NELL1: variants seen among roughly 807,000 people sequenced by gnomAD.
NELL1 encodes the protein protein kinase C-binding protein NELL1.
Under a neutral mutation model 107.4 loss-of-function variants are expected in NELL1, and 76 were observed. The observed-to-expected ratio is 0.71, with a 90% CI of 0.59 to 0.86. The LOEUF (loss-of-function observed/expected upper bound fraction) is 0.86. Among genes scored for constraint, NELL1 ranks in the 40% least tolerant of loss-of-function variants. The probability of loss-of-function intolerance (pLI) is 0.00; values close to 1 mark genes in which losing one functional copy is unlikely to be tolerated. For missense variants in NELL1, 1,024 were observed against 1,005.5 expected (o/e 1.02, Z -0.25); for synonymous variants, 353 against 341.2 (o/e 1.03, Z -0.38).
At chr11:20,934,180 G>T (rs931932164) in intron 9 of NELL1, among the ~76,000 whole-genome samples, 1 of 152,204 alleles carries the variant, frequency 6.6e-6, no homozygotes, top group Non-Finnish European at 1.5e-5. Context: ...GAATGCAGTG[G>T]CAGGGAAGGA....
intron 12 of NELL1, among the ~76,000 whole-genome samples, chr11:21,075,636 G>A (rs1336688591): frequency 2.0e-5 from 3 of 152,000 alleles, no homozygotes; most frequent in Non-Finnish European, 4.4e-5. Flanking sequence ...AGAGACATGG[G>A]GTTCCATTAT....
intron 3 of NELL1, among the ~76,000 whole-genome samples, chr11:20,791,104 C>T (rs1039497097): frequency 2.0e-5 from 3 of 152,092 alleles, no homozygotes; most frequent in African/African-American, 4.8e-5. Context: ...TGTCAGTTTC[C>T]GCAAATAAGT....
At chr11:21,372,854 C>T (rs544587112) in intron 15 of NELL1, among the ~76,000 whole-genome samples, 4 of 152,134 alleles carry the variant, frequency 2.6e-5, no homozygotes, top group African/African-American at 9.6e-5. Context: ...ATTATGGTGT[C>T]TCATGCCTTC....
chr11:20,807,601 C>A (rs1414221323), intron 3 of NELL1, among the ~76,000 whole-genome samples: 2 of 152,202 alleles, frequency 1.3e-5, no homozygotes, highest in Admixed American at 1.3e-4. Flanking sequence ...GCAGGTGGTG[C>A]AGCCAGCCAG....
chr11:21,238,728 T>C (rs1259010377), intron 14 of NELL1, among the ~76,000 whole-genome samples: 1 of 152,046 alleles, frequency 6.6e-6, no homozygotes. Context: ...TTAACTAAGA[T>C]GGAAAACTGA....
chr11:21,235,106 G>A (rs190289567), intron 14 of NELL1, among the ~76,000 whole-genome samples: 39 of 152,264 alleles, frequency 2.6e-4, no homozygotes, highest in Non-Finnish European at 5.3e-4. Context: ...CATGGTTAAT[G>A]TAATGAGGAA....
chr11:20,737,121 T>G lies in NELL1; in HGVS notation c.185-46559T>G, dbSNP rs563620628. Among the ~76,000 whole-genome samples the G allele has an allele frequency of 5.5e-4, 84 of 152,268 alleles. 1 individual carries two copies. The highest frequency in any genetic ancestry group is 5.0e-3 in the South Asian group (24 of 4,816). On this transcript the variant is annotated intron_variant, in intron 2 of 19. Coordinates refer to ENST00000357134, the MANE Select transcript of NELL1 (RefSeq NM_006157.5). Reference sequence around the variant, plus strand: ...CCTTCTTCCCTACGTTATTTATTTATTTTTTACTTACCTGCTCTTATTTTT... The same window carrying G: ...CCTTCTTCCCTACGTTATTTATTTAGTTTTTACTTACCTGCTCTTATTTTT...
intron 3 of NELL1, among the ~76,000 whole-genome samples, chr11:20,785,297 G>C (rs796860272): frequency 1.3e-5 from 2 of 152,208 alleles, no homozygotes; most frequent in African/African-American, 4.8e-5. Context: ...TTTTGTGGGG[G>C]TGTTGTCATT....
chr11:21,112,877 A>G (rs1290323102), intron 12 of NELL1, among the ~76,000 whole-genome samples: 1 of 152,078 alleles, frequency 6.6e-6, no homozygotes, highest in Non-Finnish European at 1.5e-5. Flanking sequence ...CTGTTTTTGA[A>G]AACAATCTCC....
At chr11:20,990,786 TG>T (rs1231944758) in intron 12 of NELL1, among the ~76,000 whole-genome samples, 2 of 152,214 alleles carry the variant, frequency 1.3e-5, no homozygotes, top group Non-Finnish European at 2.9e-5. Flanking sequence ...GGCACCTAAT[TG>T]TTTTTTTAAC....
At chr11:21,524,352 T>C (rs770866054) in intron 15 of NELL1, among the ~76,000 whole-genome samples, 53 of 152,286 alleles carry the variant, frequency 3.5e-4, no homozygotes, top group Non-Finnish European at 6.2e-4. Flanking sequence ...TATTAATATA[T>C]GGAAGTTCAA....
At chr11:21,527,912 C>T (rs952375203) in intron 15 of NELL1, among the ~76,000 whole-genome samples, 4 of 152,164 alleles carry the variant, frequency 2.6e-5, no homozygotes, top group Admixed American at 2.0e-4. Flanking sequence ...AGATGGTGCT[C>T]ACCCAGATTG....
chr11:20,984,532 T>G (rs1851812990), intron 12 of NELL1, among the ~76,000 whole-genome samples: 1 of 152,174 alleles, frequency 6.6e-6, no homozygotes, highest in African/African-American at 2.4e-5. Context: ...TCTTCTTTCC[T>G]CCCATCCTTC....
chr11:20,755,550 G>GTTTTTT lies in NELL1; in HGVS notation c.185-28125_185-28124insTTTTTT, dbSNP rs1226891368. On this transcript the variant is annotated intron_variant, in intron 2 of 19. Coordinates refer to ENST00000357134, the MANE Select transcript of NELL1 (RefSeq NM_006157.5). ...CCTGTGTGGGTTTTTGTTTTTTTTT[G>GTTTTTT]TTTTTGTTTTTGTTTTTTTTTTTTT... Among the ~76,000 whole-genome samples the GTTTTTT allele has an allele frequency of 1.3e-3, 153 of 114,510 alleles. 4 individuals are homozygous for GTTTTTT. Among genetic ancestry groups the GTTTTTT allele is most frequent in the African/African-American group, 6.7e-3 (151 of 22,398 alleles). 75.1% of individuals were successfully genotyped at this position (114,510 alleles called of 152,430 possible).
intron 12 of NELL1, among the ~76,000 whole-genome samples, chr11:21,015,249 C>T (rs780262848): frequency 2.9e-4 from 44 of 151,866 alleles, no homozygotes; most frequent in Non-Finnish European, 5.3e-4. Flanking sequence ...ATGAACAAGC[C>T]GCTAGAGAAC....
intron 13 of NELL1, among the ~76,000 whole-genome samples, chr11:21,150,335 G>A (rs539007887): frequency 6.6e-6 from 1 of 152,212 alleles, no homozygotes; most frequent in South Asian, 2.1e-4. Context: ...AGACTGGCAG[G>A]GGGGCAGAGG....
At chr11:20,907,232 CA>C (rs5790146) in intron 5 of NELL1, among the ~76,000 whole-genome samples, 30,756 of 124,588 alleles carry the variant, frequency 0.25, 3,938 homozygotes, top group African/African-American at 0.38. Flanking sequence ...GACTCCATCT[CA>C]AAAAAAAAAA....
At chr11:21,080,882 A>G (rs548226827) in intron 12 of NELL1, among the ~76,000 whole-genome samples, 3 of 151,860 alleles carry the variant, frequency 2.0e-5, no homozygotes, top group African/African-American at 4.8e-5. Context: ...CCAATCTGAT[A>G]TATATTACAT....
At chr11:21,434,519 C>A (rs11026082) in intron 15 of NELL1, among the ~76,000 whole-genome samples, 37,386 of 151,842 alleles carry the variant, frequency 0.25, 4,935 homozygotes, top group South Asian at 0.37. Flanking sequence ...GGATTTATTT[C>A]TGGGTTCTTT....
Sources: gnomAD v4.1 joint callset for allele counts (sites outside exome capture counted in the v4.1 genomes callset) on GRCh38, gnomAD v4.1.1 for gene constraint, MANE v1.5 for transcripts, NCBI Gene and HGNC (gene_info 2026-07-23, HGNC 2026-07-21) for gene names.